Variants in MTHFD2L observed in about 807,000 individuals in gnomAD.
MTHFD2L encodes the protein bifunctional methylenetetrahydrofolate dehydrogenase/cyclohydrolase 2, mitochondrial.
MTHFD2L carries 29 observed loss-of-function variants against 34.9 expected under a neutral mutation model. That is an observed-to-expected ratio of 0.83 (90% CI 0.62 to 1.13). The LOEUF (loss-of-function observed/expected upper bound fraction) is 1.13. MTHFD2L is among the 50% of genes most tolerant of loss of function. MTHFD2L has a pLI of 0.00. For synonymous variants in MTHFD2L, 167 were observed against 155.7 expected (o/e 1.07, Z -0.54); for missense variants, 481 against 446.5 (o/e 1.08, Z -0.70).
chr4:74,212,224 G>T (rs915596450), intron 5 of MTHFD2L, among the ~76,000 whole-genome samples: 1 of 151,834 alleles, frequency 6.6e-6, no homozygotes, highest in Non-Finnish European at 1.5e-5. Context: ...GTTATTTCTT[G>T]TCTTCTGCTA....
At chr4:74,221,668 T>A (rs1738213335) in intron 5 of MTHFD2L, among the ~76,000 whole-genome samples, 1 of 151,946 alleles carries the variant, frequency 6.6e-6, no homozygotes, top group Non-Finnish European at 1.5e-5. Context: ...AAACATATAA[T>A]TAGATTTTGC....
intron 7 of MTHFD2L, chr4:74,293,482 A>C: frequency 1.0e-6 from 1 of 976,118 alleles, no homozygotes; most frequent in South Asian, 4.7e-5. Flanking sequence ...TTCATTACTG[A>C]CCACAGGATG....
chr4:74,115,052 G>C (rs1721635115), intron 2 of MTHFD2L, among the ~76,000 whole-genome samples: 1 of 152,182 alleles, frequency 6.6e-6, no homozygotes, highest in South Asian at 2.1e-4. Context: ...ATCACAGTAA[G>C]TGTTTTATTA....
At chr4:74,176,383 G>A (rs1178740323) in intron 3 of MTHFD2L, among the ~76,000 whole-genome samples, 2 of 151,952 alleles carry the variant, frequency 1.3e-5, no homozygotes, top group Non-Finnish European at 2.9e-5. Context: ...TTTGTTTGCT[G>A]TTGTTCAGAT....
At chr4:74,116,481 G>T (rs186626682) in intron 2 of MTHFD2L, among the ~76,000 whole-genome samples, 2 of 152,200 alleles carry the variant, frequency 1.3e-5, no homozygotes, top group African/African-American at 4.8e-5. Context: ...TTAAATATAT[G>T]ACTTCACAGC....
chr4:74,158,181 C>T lies in MTHFD2L; in HGVS notation c.43C>T (p.Leu15Phe), dbSNP rs539849285. The T allele has an allele frequency of 2.0e-6, 3 of 1,526,872 alleles. No individual in the cohort carries two copies. The highest frequency in any genetic ancestry group is 1.2e-5 in the South Asian group (1 of 80,862). 94.6% of individuals were successfully genotyped at this position (1,526,872 alleles called of 1,614,324 possible). A position where few individuals can be genotyped will look rare whatever the true frequency, so the allele number is the denominator to read the frequency against. ...CGGCTTCTCGCTGCTCCGCGGCCGC[C>T]TTGGCCGAGCGCCGGCGTTGGGCAG... ...VRGFSLLRGR[L>F]GRAPALGRST... Residue 15 changes from leucine (L) to phenylalanine (F), a missense_variant, in exon 1 of 8, where the codon CTT (leucine) becomes TTT (phenylalanine). Coordinates refer to ENST00000325278, the MANE Select transcript of MTHFD2L (RefSeq NM_001144978.3).
chr4:74,189,324 C>T (rs965193686), intron 3 of MTHFD2L, among the ~76,000 whole-genome samples: 3 of 151,970 alleles, frequency 2.0e-5, no homozygotes, highest in Non-Finnish European at 4.4e-5. Flanking sequence ...AAGCCATCCT[C>T]ACACAATATT....
intron 6 of MTHFD2L, among the ~76,000 whole-genome samples, chr4:74,272,850 G>C (rs570874599): frequency 6.6e-6 from 1 of 152,100 alleles, no homozygotes; most frequent in African/African-American, 2.4e-5. Context: ...TCTGAATTCT[G>C]TCAAAAGGTG....
intron 1 of MTHFD2L, among the ~76,000 whole-genome samples, chr4:74,163,573 C>G (rs1344522602): frequency 2.6e-5 from 4 of 152,166 alleles, no homozygotes; most frequent in Non-Finnish European, 5.9e-5. Context: ...AGTAAAATTA[C>G]TTCAAGATGT....
At chr4:74,206,610 G>T (rs1039312386) in intron 5 of MTHFD2L, among the ~76,000 whole-genome samples, 1 of 151,896 alleles carries the variant, frequency 6.6e-6, no homozygotes, top group African/African-American at 2.4e-5. Context: ...GAAAAAAAAA[G>T]TTGAAAATGC....
chr4:74,273,130 T>G (rs1756748539), intron 6 of MTHFD2L, among the ~76,000 whole-genome samples: 1 of 152,214 alleles, frequency 6.6e-6, no homozygotes. Context: ...AAACTATTCC[T>G]GATGTCCCTG....
At chr4:74,189,372 A>G (rs1022645216) in intron 3 of MTHFD2L, among the ~76,000 whole-genome samples, 2 of 151,860 alleles carry the variant, frequency 1.3e-5, no homozygotes, top group African/African-American at 4.8e-5. Flanking sequence ...TCTCAGAGGG[A>G]GGTTTATATC....
In MTHFD2L at chr4:74,191,328, G is replaced by A. The variant is rs149365659; in HGVS notation, c.452-8466G>A. On this transcript the variant is annotated intron_variant, in intron 3 of 7. Transcript: ENST00000325278. ...GGCATTGTATACACACTCAGGATGT[G>A]GACTTTGATCTATTAGCATAAAACT... is the stretch of plus-strand genomic sequence containing the variant. Among the ~76,000 whole-genome samples the A allele has an allele frequency of 1.8e-3, 272 of 151,110 alleles. 1 individual carries two copies. Among genetic ancestry groups the A allele is most frequent in the African/African-American group, 5.6e-3 (230 of 41,210 alleles).
chr4:74,211,564 T>C (rs1736328630), intron 5 of MTHFD2L, among the ~76,000 whole-genome samples: 1 of 152,212 alleles, frequency 6.6e-6, no homozygotes, highest in South Asian at 2.1e-4. Flanking sequence ...AGCTTTTTCA[T>C]GTGCTGCTGG....
At chr4:74,204,179 C>T (rs1160155018) in intron 5 of MTHFD2L, among the ~76,000 whole-genome samples, 1 of 152,132 alleles carries the variant, frequency 6.6e-6, no homozygotes, top group African/African-American at 2.4e-5. Flanking sequence ...CCTCCATTAC[C>T]AAGCCCTGTG....
chr4:74,120,775 T>C (rs1435251061), upstream of MTHFD2L, among the ~76,000 whole-genome samples: 1 of 152,258 alleles, frequency 6.6e-6, no homozygotes. Context: ...GTGAGATGGC[T>C]TTCTAAAGGT....
At chr4:74,199,140 A>G (rs1290449163) in intron 3 of MTHFD2L, among the ~76,000 whole-genome samples, 1 of 152,154 alleles carries the variant, frequency 6.6e-6, no homozygotes, top group East Asian at 1.9e-4. Context: ...ACTTACTTTT[A>G]AAAAATGAGA....
intron 6 of MTHFD2L, among the ~76,000 whole-genome samples, chr4:74,273,969 T>G (rs774309666): frequency 7.2e-5 from 11 of 152,146 alleles, no homozygotes; most frequent in Non-Finnish European, 1.5e-4. Flanking sequence ...TTTCCATAGT[T>G]CAGAGGAACT....
At chr4:74,152,001 T>C (rs1444556690) in intron 1 of MTHFD2L, among the ~76,000 whole-genome samples, 1 of 152,164 alleles carries the variant, frequency 6.6e-6, no homozygotes, top group African/African-American at 2.4e-5. Flanking sequence ...TCCATATTTA[T>C]GTGATATATG....
Sources: gnomAD v4.1 joint callset for allele counts (sites outside exome capture counted in the v4.1 genomes callset) on GRCh38, gnomAD v4.1.1 for gene constraint, MANE v1.5 for transcripts, NCBI Gene and HGNC (gene_info 2026-07-23, HGNC 2026-07-21) for gene names.